The following CADM2 variants were observed in gnomAD, a reference collection of about 807,000 sequenced individuals.
The protein encoded by CADM2 is cell adhesion molecule 2.
In CADM2, 12 loss-of-function variants were observed where a neutral mutation model predicts 49.8. The observed-to-expected ratio is 0.24, with a 90% CI of 0.15 to 0.39. The LOEUF is 0.39. CADM2 is among the 10% of genes least tolerant of loss of function. The pLI is 1.00. For missense variants in CADM2, 378 were observed against 492.3 expected (o/e 0.77, Z 2.20); for synonymous variants, 214 against 175.4 (o/e 1.22, Z -1.74).
intron 1 of CADM2, among the ~76,000 whole-genome samples, chr3:85,175,919 C>CTTT (rs11329456): frequency 3.1e-4 from 24 of 76,264 alleles, no homozygotes; most frequent in South Asian, 1.5e-3. Flanking sequence ...ATGTCCTAAT[C>CTTT]TTTTTTTTTT....
intron 1 of CADM2, among the ~76,000 whole-genome samples, chr3:85,097,570 G>A (rs967912879): frequency 6.6e-6 from 1 of 152,136 alleles, no homozygotes; most frequent in Non-Finnish European, 1.5e-5. Flanking sequence ...CTGAGGAATC[G>A]CCACACTGAC....
At chr3:85,725,877 CCA>C (rs2067678169) in intron 1 of CADM2, among the ~76,000 whole-genome samples, 1 of 151,944 alleles carries the variant, frequency 6.6e-6, no homozygotes, top group South Asian at 2.1e-4. Context: ...TCCTTAAATA[CCA>C]ATAGCTTAAG....
intron 1 of CADM2, among the ~76,000 whole-genome samples, chr3:85,531,651 A>T (rs2061312224): frequency 6.6e-6 from 1 of 152,154 alleles, no homozygotes; most frequent in Non-Finnish European, 1.5e-5. Flanking sequence ...CCTAAATGTT[A>T]TATCCAATGA....
At chr3:85,289,074 C>T (rs1212831282) in intron 1 of CADM2, among the ~76,000 whole-genome samples, 3 of 152,032 alleles carry the variant, frequency 2.0e-5, no homozygotes, top group African/African-American at 7.2e-5. Flanking sequence ...ATAAACTTTG[C>T]CTTGCTGAGT....
chr3:85,375,471 A>G (rs2033539705), intron 1 of CADM2, among the ~76,000 whole-genome samples: 1 of 152,202 alleles, frequency 6.6e-6, no homozygotes, highest in African/African-American at 2.4e-5. Context: ...TAATCAAAAT[A>G]ACCTTGAAAT....
intron 1 of CADM2, among the ~76,000 whole-genome samples, chr3:85,544,562 TAA>T (rs1025324795): frequency 6.6e-6 from 1 of 151,706 alleles, no homozygotes; most frequent in African/African-American, 2.4e-5. Context: ...GGGCGACAGA[TAA>T]AGACTCCGTC....
intron 1 of CADM2, among the ~76,000 whole-genome samples, chr3:85,475,622 C>G (rs1374719804): frequency 6.6e-6 from 1 of 151,738 alleles, no homozygotes; most frequent in Non-Finnish European, 1.5e-5. Context: ...TCTTATATAA[C>G]AAAGCATCTG....
chr3:85,612,728 T>G (rs563490380), intron 1 of CADM2, among the ~76,000 whole-genome samples: 1 of 151,918 alleles, frequency 6.6e-6, no homozygotes, highest in South Asian at 2.1e-4. Context: ...AGTAATATGT[T>G]TGTCATGAGG....
intron 1 of CADM2, among the ~76,000 whole-genome samples, chr3:85,433,982 C>A (rs1343783314): frequency 6.6e-6 from 1 of 151,970 alleles, no homozygotes; most frequent in Admixed American, 6.6e-5. Flanking sequence ...ATTTCCATTG[C>A]CTACCATAAT....
intron 7 of CADM2, among the ~76,000 whole-genome samples, chr3:85,953,762 T>C (rs1246737635): frequency 1.3e-5 from 2 of 150,810 alleles, no homozygotes. Flanking sequence ...GATGTTTTTA[T>C]AGATAATTAT....
At chr3:85,331,807 A>G (rs1217270560) in intron 1 of CADM2, among the ~76,000 whole-genome samples, 1 of 152,006 alleles carries the variant, frequency 6.6e-6, no homozygotes, top group Non-Finnish European at 1.5e-5. Context: ...TTTGGATAAG[A>G]GCCATTTTAA....
intron 1 of CADM2, among the ~76,000 whole-genome samples, chr3:85,648,339 G>T (rs908688062): frequency 1.3e-5 from 2 of 151,842 alleles, no homozygotes; most frequent in African/African-American, 4.8e-5. Context: ...TCTTGTCTTT[G>T]AGCAGCTGAA....
intron 1 of CADM2, among the ~76,000 whole-genome samples, chr3:85,688,553 A>C: frequency 7.3e-6 from 1 of 137,070 alleles, no homozygotes; most frequent in South Asian, 2.5e-4. Flanking sequence ...TTGGCAGTTT[A>C]TTTATTTATT....
chr3:85,214,062 G>A (rs1333918694), intron 1 of CADM2, among the ~76,000 whole-genome samples: 1 of 152,088 alleles, frequency 6.6e-6, no homozygotes, highest in African/African-American at 2.4e-5. Flanking sequence ...GGTCACTAGT[G>A]TGTTATTTAG....
At chr3:86,013,418 AG>A in intron 8 of CADM2, 1 of 1,556,726 alleles carries the variant, frequency 6.4e-7, no homozygotes, top group Non-Finnish European at 8.8e-7. Context: ...AAATCCCAGA[AG>A]GTCTCTTTAC....
chr3:85,740,317 C>T (rs1422439726), intron 2 of CADM2, among the ~76,000 whole-genome samples: 2 of 152,050 alleles, frequency 1.3e-5, no homozygotes, highest in Non-Finnish European at 2.9e-5. Context: ...TTCCAGTGAG[C>T]CCTGTAATAG....
chr3:85,342,370 C>T (rs1277020949), intron 1 of CADM2, among the ~76,000 whole-genome samples: 2 of 151,888 alleles, frequency 1.3e-5, no homozygotes, highest in Admixed American at 1.3e-4. Context: ...AGGAAAATTA[C>T]TTCTAAAAAT....
intron 1 of CADM2, among the ~76,000 whole-genome samples, chr3:85,350,349 T>G (rs2031217874): frequency 6.6e-6 from 1 of 152,176 alleles, no homozygotes; most frequent in African/African-American, 2.4e-5. Flanking sequence ...TAAATTAACA[T>G]TTTCTAAAAT....
At chr3:85,171,764 A>G (rs1472387186) in intron 1 of CADM2, among the ~76,000 whole-genome samples, 1 of 152,254 alleles carries the variant, frequency 6.6e-6, no homozygotes, top group African/African-American at 2.4e-5. Flanking sequence ...AACAATATAA[A>G]TATGAATAAC....
Sources: allele counts gnomAD v4.1 joint callset (sites outside exome capture counted in the v4.1 genomes callset), GRCh38; gene constraint gnomAD v4.1.1; transcripts MANE v1.5; gene names NCBI Gene and HGNC (gene_info 2026-07-23, HGNC 2026-07-21).